TREH: variants seen among roughly 807,000 people sequenced by gnomAD.
TREH encodes the protein alpha,alpha-trehalose glucohydrolase.
A neutral mutation model predicts 80.5 loss-of-function variants in TREH; 69 were observed. That is an observed-to-expected ratio of 0.86 (90% confidence interval 0.71 to 1.05). The LOEUF (loss-of-function observed/expected upper bound fraction) is 1.05. Among genes scored for constraint, TREH ranks in the 50% least tolerant of loss-of-function variants. The pLI, the probability that TREH is intolerant of heterozygous loss-of-function variation, is 0.00. For synonymous variants in TREH, 309 were observed against 293.5 expected (o/e 1.05, Z -0.54); for missense variants, 716 against 718.8 (o/e 1.00, Z 0.04).
chr11:118,658,313 G>C lies in TREH; in HGVS notation c.1728C>G (p.Leu576=). The change falls in exon 15 of 15, where the codon CTC becomes CTG. Residue 576 remains leucine, a synonymous_variant. Coordinates refer to ENST00000264029, the MANE Select transcript of TREH (RefSeq NM_007180.3). ...GTCACCATGGCAGGAGGCTGAGCAG[G>C]AGGCTGGGCAGAAGGGTGGCCGCCA... ...HCLAATLLPS[L]LLSLLPW The C allele has an allele frequency of 6.3e-7, 1 of 1,589,648 alleles. No homozygotes were observed. The highest frequency in any genetic ancestry group is 8.6e-7 in the Non-Finnish European group (1 of 1,168,924).
intron 1 of TREH, among the ~76,000 whole-genome samples, chr11:118,672,312 C>T (rs557218870): frequency 1.9e-4 from 29 of 151,990 alleles, no homozygotes; most frequent in African/African-American, 6.8e-4. Flanking sequence ...GTGGGGGAAT[C>T]GCTTGAACCG....
chr11:118,669,933 C>G (rs1330292362), intron 1 of TREH, among the ~76,000 whole-genome samples: 1 of 151,910 alleles, frequency 6.6e-6, no homozygotes, highest in African/African-American at 2.4e-5. Context: ...CATTATTACC[C>G]ATTGCATGCC....
At chr11:118,663,790 C>T (rs547397858) in intron 1 of TREH, among the ~76,000 whole-genome samples, 2 of 147,798 alleles carry the variant, frequency 1.4e-5, no homozygotes, top group Admixed American at 6.7e-5. Flanking sequence ...TAGACTCGAT[C>T]GGAAGGGCTT....
rs368964729 is a variant in TREH, at chr11:118,661,588, C to T, written c.617+49G>A. On this transcript the variant is annotated intron_variant, in intron 6 of 14. Coordinates refer to ENST00000264029, the MANE Select transcript of TREH (RefSeq NM_007180.3). The surrounding 1 kb of genome is among the most constrained non-coding windows in gnomAD (Gnocchi z 4.2). ...GCAATCCAGCTGCATGCCCGTGGCA[C>T]ACCTGCCTCTCCTCCCCACCTAGGC... The T allele has an allele frequency of 7.6e-5, 123 of 1,613,276 alleles. No homozygotes were observed. The African/African-American group carries it at 1.4e-3, about 18-fold the overall frequency.
chr11:118,671,636 G>C (rs1419500901), intron 1 of TREH, among the ~76,000 whole-genome samples: 1 of 152,094 alleles, frequency 6.6e-6, no homozygotes, highest in Non-Finnish European at 1.5e-5. Flanking sequence ...TTTATTCAAA[G>C]GGATAATAAC....
In TREH at chr11:118,658,159, G is replaced by C; in HGVS notation, c.*130C>G. 12 of 1,322,050 alleles carry C rather than the reference G, an allele frequency of 9.1e-6. No individual in the cohort carries two copies. The highest frequency in any genetic ancestry group is 2.5e-5 in the Admixed American group (1 of 39,760). The allele number at this position is 1,322,050 out of a possible 1,614,324, so 81.9% of individuals were successfully genotyped here. On this transcript the variant is annotated 3_prime_UTR_variant, in exon 15 of 15. Coordinates refer to ENST00000264029, the MANE Select transcript of TREH (RefSeq NM_007180.3). ...CCCCTACCCATGACCTCCAGGTCGT[G>C]ACCCTGCCCTCCACTTCGCTCTGAG...
At chr11:118,673,769 A>G (rs987403794) in intron 1 of TREH, among the ~76,000 whole-genome samples, 1 of 152,234 alleles carries the variant, frequency 6.6e-6, no homozygotes, top group Non-Finnish European at 1.5e-5. Flanking sequence ...CCACTGTCCA[A>G]GAGTTAGTAA....
rs987586831 is a variant in TREH, at chr11:118,661,860, C to A, written c.524+30G>T. The A allele has an allele frequency of 3.8e-6, 6 of 1,568,100 alleles. No individual in the cohort carries two copies. In the Admixed American group the frequency reaches 7.7e-5, roughly 20 times the overall value. Reference sequence around the variant, plus strand: ...TCTCCACCACTGCCAGTCCTGCAGGCCCCTTGGTCTCTTGGGCCTGGGCGC... The same window carrying A: ...TCTCCACCACTGCCAGTCCTGCAGGACCCTTGGTCTCTTGGGCCTGGGCGC... On this transcript the variant is annotated intron_variant, in intron 5 of 14. Transcript: ENST00000264029. The surrounding 1 kb of genome is among the most constrained non-coding windows in gnomAD (Gnocchi z 4.2).
At chr11:118,678,605 G>C (rs1320729958) in intron 1 of TREH, among the ~76,000 whole-genome samples, 2 of 150,608 alleles carry the variant, frequency 1.3e-5, no homozygotes, top group Non-Finnish European at 3.0e-5. Flanking sequence ...TCAGATGATA[G>C]CTCCCACCTT....
At chr11:118,673,743 A>G (rs1255797788) in intron 1 of TREH, among the ~76,000 whole-genome samples, 12 of 152,174 alleles carry the variant, frequency 7.9e-5, no homozygotes, top group Non-Finnish European at 1.5e-4. Context: ...GCCTGACCAT[A>G]TGGCCAGGCC....
At chr11:118,666,646 T>C (rs891214778) in intron 1 of TREH, among the ~76,000 whole-genome samples, 1 of 152,250 alleles carries the variant, frequency 6.6e-6, no homozygotes, top group African/African-American at 2.4e-5. Flanking sequence ...TTCCAGGAAC[T>C]ACTCTTTTTG....
Position 118,679,116 on chromosome 11 carries a change from C to A in TREH, c.89+423G>T, listed in dbSNP as rs191427634. 2.3e-3 allele frequency among the ~76,000 whole-genome samples: 345 copies of A among 152,306 alleles called. 1 individual carries two copies. The highest frequency in any genetic ancestry group is 8.1e-3 in the African/African-American group (338 of 41,560). On this transcript the variant is annotated intron_variant, in intron 1 of 14. Coordinates refer to ENST00000264029, the MANE Select transcript of TREH (RefSeq NM_007180.3). ...TCCCGACAGGGGGCGGTGGCTCACG[C>A]TTGTATTCCCAGCACAGTCGCCAAG...
At position 118,659,895 on chromosome 11, in the gene TREH, A is replaced by G; in HGVS notation, c.1172T>C (p.Leu391Pro). Residue 391 changes from leucine (L) to proline (P), a missense_variant, in exon 11 of 15, where the codon CTG becomes CCG. Physicochemically the swap from Leu to Pro is moderately conservative, Grantham distance 98 (BLOSUM62 -3). Coordinates refer to ENST00000264029, the MANE Select transcript of TREH (RefSeq NM_007180.3). ...CCAGGCTCCGGTCTGCTCATCCCAC[A>G]GGACTGTGTTCAGGGCGGCCAAGCG... ...SQRLAALNTV[L>P]WDEQTGAWFD... The G allele has an allele frequency of 6.4e-7, 1 of 1,551,822 alleles. No homozygotes were observed. Among genetic ancestry groups the G allele is most frequent in the Non-Finnish European group, 8.7e-7 (1 of 1,147,036 alleles).
At chr11:118,660,065 G>T in intron 10 of TREH, 101 bp from the exon 11 acceptor site, 1 of 1,162,514 alleles carries the variant, frequency 8.6e-7, no homozygotes, top group Non-Finnish European at 1.2e-6. Flanking sequence ...GTGTTTCTCT[G>T]CAAAGGCTGA....
rs1007631860 is a variant in TREH, at chr11:118,679,639, C to G, written c.-12G>C. 4.0e-6 allele frequency: 6 copies of G among 1,486,144 alleles called. No individual in the cohort carries two copies. Among genetic ancestry groups the G allele is most frequent in the Non-Finnish European group, 2.7e-6 (3 of 1,112,098 alleles). The allele number at this position is 1,486,144 out of a possible 1,614,324, so 92.1% of individuals were successfully genotyped here. On this transcript the variant is annotated 5_prime_UTR_variant, in exon 1 of 15. Coordinates refer to ENST00000264029, the MANE Select transcript of TREH (RefSeq NM_007180.3). ...GTCCTCCCTGGCATGGTGGCTGTGA[C>G]TGTGACTGAATGAGCAAGCCCAGGC...
Position 118,666,237 on chromosome 11 carries a change from A to T in TREH, c.90-2798T>A, listed in dbSNP as rs534376033. ...AATGGAGTAAAACTCCATCTCAAAA[A>T]AAAAAAATAAATAAATGACAGATGG... On this transcript the variant is annotated intron_variant, in intron 1 of 14. Coordinates refer to ENST00000264029, the MANE Select transcript of TREH (RefSeq NM_007180.3). 1.6e-3 allele frequency among the ~76,000 whole-genome samples: 239 copies of T among 152,310 alleles called. 1 individual carries two copies. Among genetic ancestry groups the T allele is most frequent in the Non-Finnish European group, 3.0e-3 (202 of 68,034 alleles).
At chr11:118,659,667 C>T (rs1268049898) in intron 11 of TREH, 80 bp downstream of exon 11, 1 of 1,503,140 alleles carries the variant, frequency 6.7e-7, no homozygotes. Context: ...GAGGAAGCGC[C>T]CTCCCCTGCA....
chr11:118,658,644 C>G lies in TREH; in HGVS notation c.1599+36G>C, dbSNP rs781863030. Reference sequence around the variant, plus strand: ...TCATGAGCAGCAGAGTTCAGGAGTTCCCTGGTGTTGGCCAGCCCACCCCTG... The same window carrying G: ...TCATGAGCAGCAGAGTTCAGGAGTTGCCTGGTGTTGGCCAGCCCACCCCTG... On this transcript the variant is annotated intron_variant, in intron 14 of 14. Transcript: ENST00000264029. 87 of 1,561,152 alleles carry G rather than the reference C, an allele frequency of 5.6e-5. 1 individual carries two copies. The highest frequency in any genetic ancestry group is 7.0e-5 in the Non-Finnish European group (81 of 1,152,476).
intron 4 of TREH, 46 bp downstream of exon 4, chr11:118,662,835 T>C (rs1555145219): frequency 3.9e-6 from 6 of 1,548,454 alleles, no homozygotes; most frequent in Non-Finnish European, 5.2e-6. Flanking sequence ...CATTCCTCTC[T>C]TCAGTTCCCT....
Sources: gnomAD v4.1 joint callset for allele counts (sites outside exome capture counted in the v4.1 genomes callset) on GRCh38, gnomAD v4.1.1 for gene constraint, Gnocchi (gnomAD v3.1) non-coding constraint, MANE v1.5 for transcripts, NCBI Gene and HGNC (gene_info 2026-07-23, HGNC 2026-07-21) for gene names.